Variants in PALS1 observed in about 807,000 individuals in gnomAD.
PALS1 encodes the protein protein PALS1.
In PALS1, 31 loss-of-function variants were observed where a neutral mutation model predicts 78.9. That is an observed-to-expected ratio of 0.39 (90% CI 0.30 to 0.53). PALS1 has a LOEUF of 0.53. PALS1 is among the 20% of genes least tolerant of loss of function. The probability of loss-of-function intolerance (pLI) is 0.67; values close to 1 mark genes in which losing one functional copy is unlikely to be tolerated. For missense variants in PALS1, 704 were observed against 826.5 expected (o/e 0.85, Z 1.82); for synonymous variants, 276 against 270.9 (o/e 1.02, Z -0.18).
At chr14:67,250,192 A>C (rs772232425) in intron 1 of PALS1, among the ~76,000 whole-genome samples, 1 of 151,966 alleles carries the variant, frequency 6.6e-6, no homozygotes, top group Admixed American at 6.6e-5. Flanking sequence ...TCAGCCACCC[A>C]CTCTTCCTTC....
intron 14 of PALS1, among the ~76,000 whole-genome samples, chr14:67,330,979 A>C (rs1303311557): frequency 6.6e-6 from 1 of 152,080 alleles, no homozygotes; most frequent in Non-Finnish European, 1.5e-5. Context: ...TGTATTCCAC[A>C]GTTTTTGGTG....
chr14:67,269,568 T>G (rs1036735759), intron 1 of PALS1, 133 bp from the exon 2 acceptor site: 19 of 152,550 alleles, frequency 1.2e-4, no homozygotes, highest in African/African-American at 4.6e-4. Flanking sequence ...TTATGATTTC[T>G]GACTAAGAAA....
intron 9 of PALS1, 29 bp from the exon 10 acceptor site, chr14:67,316,798 ATATTT>A (rs2085182232): frequency 6.4e-7 from 1 of 1,566,642 alleles, no homozygotes; most frequent in Non-Finnish European, 8.7e-7. Flanking sequence ...TTTATCTTAA[ATATTT>A]TACCCTTCTT....
At chr14:67,303,073 G>A (rs1318316118) in intron 7 of PALS1, among the ~76,000 whole-genome samples, 2 of 152,008 alleles carry the variant, frequency 1.3e-5, no homozygotes, top group African/African-American at 4.8e-5. Context: ...TTCCTTATTC[G>A]CACTAGCTGC....
rs1400334112 is a variant in PALS1 at position 67,335,397 on chromosome 14, T to C, written c.*2441T>C. Reference sequence around the variant, plus strand: ...TGGAGACCCCAGTGTGGGGGAGGTCTTACCATTTAATATAGAAATGATATC... The same window carrying C: ...TGGAGACCCCAGTGTGGGGGAGGTCCTACCATTTAATATAGAAATGATATC... On this transcript the variant is annotated 3_prime_UTR_variant, in exon 15 of 15. Coordinates refer to ENST00000261681, the MANE Select transcript of PALS1 (RefSeq NM_022474.4). 1 of 152,232 alleles carries C rather than the reference T, an allele frequency of 6.6e-6. No individual in the cohort carries two copies. Among genetic ancestry groups the C allele is most frequent in the Non-Finnish European group, 1.5e-5 (1 of 68,050 alleles). The allele number at this position is 152,232 out of a possible 1,614,324, so 9.4% of individuals were successfully genotyped here. A position where few individuals can be genotyped will look rare whatever the true frequency, so the allele number is the denominator to read the frequency against.
intron 2 of PALS1, chr14:67,271,667 C>G (rs551696662): frequency 6.6e-6 from 1 of 152,206 alleles, no homozygotes; most frequent in African/African-American, 2.4e-5. Context: ...GATGTAGTGA[C>G]ATTAGTTAGA....
At chr14:67,330,993 A>G (rs556132664) in intron 14 of PALS1, among the ~76,000 whole-genome samples, 2 of 152,108 alleles carry the variant, frequency 1.3e-5, no homozygotes, top group Non-Finnish European at 2.9e-5. Flanking sequence ...TTTGGTGTAG[A>G]GGATGGTGTA....
At chr14:67,280,330 T>C (rs901352560) in intron 3 of PALS1, among the ~76,000 whole-genome samples, 4 of 152,174 alleles carry the variant, frequency 2.6e-5, no homozygotes, top group African/African-American at 4.8e-5. Context: ...TAGGAGAGCA[T>C]TTTATTTTTT....
In PALS1 at chr14:67,269,181, T is replaced by C. The variant is rs572512510; in HGVS notation, c.-236-520T>C. ...AAATCCTGTTTGTAGGGTTAATCTA[T>C]GTTGTAGCATGTATCACTACTTCAT... On this transcript the variant is annotated intron_variant, in intron 1 of 14. Coordinates refer to ENST00000261681, the MANE Select transcript of PALS1 (RefSeq NM_022474.4). 3.0e-4 allele frequency among the ~76,000 whole-genome samples: 45 copies of C among 152,362 alleles called. No individual in the cohort carries two copies. In the South Asian group the frequency reaches 9.3e-3, roughly 32 times the overall value.
chr14:67,300,620 A>G (rs997876141), intron 4 of PALS1, among the ~76,000 whole-genome samples: 5 of 152,084 alleles, frequency 3.3e-5, no homozygotes, highest in African/African-American at 1.2e-4. Flanking sequence ...GAGCCATTGT[A>G]TCTGGCCTGT....
rs1009243740 is a variant in PALS1, at chr14:67,335,663, G to A, written c.*2707G>A. 6.6e-6 allele frequency: 1 copy of A among 152,624 alleles called. No individual in the cohort carries two copies. The highest frequency in any genetic ancestry group is 1.5e-5 in the Non-Finnish European group (1 of 68,044). The allele number at this position is 152,624 out of a possible 1,614,324, so 9.5% of individuals were successfully genotyped here. ...TTTGTGAATGTGTGGAAAATATAAA[G>A]CAGGGATTTAGCCTTAATAAAGGTA... On this transcript the variant is annotated 3_prime_UTR_variant, in exon 15 of 15. Coordinates refer to ENST00000261681, the MANE Select transcript of PALS1 (RefSeq NM_022474.4).
At chr14:67,316,469 T>C (rs956387716) in intron 9 of PALS1, among the ~76,000 whole-genome samples, 4 of 152,186 alleles carry the variant, frequency 2.6e-5, no homozygotes, top group African/African-American at 7.2e-5. Context: ...ATTCCTAGAA[T>C]TGATATCCTT....
chr14:67,248,273 C>A (rs2084015879), intron 1 of PALS1, among the ~76,000 whole-genome samples: 1 of 151,918 alleles, frequency 6.6e-6, no homozygotes, highest in South Asian at 2.1e-4. Flanking sequence ...GTAGCCCCAG[C>A]CAATTGGGAG....
chr14:67,277,632 G>A (rs1567516117), intron 2 of PALS1, among the ~76,000 whole-genome samples: 1 of 151,814 alleles, frequency 6.6e-6, no homozygotes, highest in Non-Finnish European at 1.5e-5. Context: ...TTTAATGTGT[G>A]GGTTTACACA....
At chr14:67,273,265 C>T (rs1171302659) in intron 2 of PALS1, among the ~76,000 whole-genome samples, 1 of 151,832 alleles carries the variant, frequency 6.6e-6, no homozygotes, top group South Asian at 2.1e-4. Flanking sequence ...ATCGCTCCCC[C>T]CTCCCACCTC....
At chr14:67,323,322 T>C (rs1203941835) in intron 13 of PALS1, among the ~76,000 whole-genome samples, 1 of 151,204 alleles carries the variant, frequency 6.6e-6, no homozygotes, top group Non-Finnish European at 1.5e-5. Flanking sequence ...TTAAAAATAT[T>C]GTGAATTGGG....
At position 67,254,033 on chromosome 14, in the gene PALS1, C is replaced by CA. The variant is rs985546426; in HGVS notation, c.-237+12500_-237+12501insA. Among the ~76,000 whole-genome samples, 4 of 143,082 alleles carry CA rather than the reference C, an allele frequency of 2.8e-5. No individual in the cohort carries two copies. In the South Asian group the frequency reaches 9.4e-4, roughly 34 times the overall value. 93.9% of individuals were successfully genotyped at this position (143,082 alleles called of 152,430 possible). ...TTTGGGCCTTATATTCATCCCCCCC[C>CA]CCTTACAAGTTTTCTTAGGATGCTC... On this transcript the variant is annotated intron_variant, in intron 1 of 14. Transcript: ENST00000261681.
At chr14:67,332,675 GGAAAGC>G in intron 14 of PALS1, 99 bp from the exon 15 acceptor site, 1 of 1,084,928 alleles carries the variant, frequency 9.2e-7, no homozygotes, top group Non-Finnish European at 1.3e-6. Context: ...AGAGACAGAA[GGAAAGC>G]TATGAAGGTC....
chr14:67,326,458 C>G (rs932317464), intron 14 of PALS1, among the ~76,000 whole-genome samples: 1 of 151,844 alleles, frequency 6.6e-6, no homozygotes, highest in African/African-American at 2.4e-5. Context: ...CTAATTAGAA[C>G]TTTCTGATTC....
Sources: allele counts gnomAD v4.1 joint callset (sites outside exome capture counted in the v4.1 genomes callset), GRCh38; gene constraint gnomAD v4.1.1; transcripts MANE v1.5; gene names NCBI Gene and HGNC (gene_info 2026-07-23, HGNC 2026-07-21).